UBAP2: variants seen among roughly 807,000 people sequenced by gnomAD.
The protein encoded by UBAP2 is ubiquitin associated protein 2, also known as ubiquitin-associated protein 2.
Under a neutral mutation model 139.6 loss-of-function variants are expected in UBAP2, and 75 were observed. That is an observed-to-expected ratio of 0.54 (90% CI 0.45 to 0.65). UBAP2 has a LOEUF of 0.65. Ranked by LOEUF, UBAP2 falls within the 30% of genes least tolerant of loss-of-function variation. The pLI is 0.00. For missense variants in UBAP2, 1,368 were observed against 1,369.6 expected, an observed-to-expected ratio of 1.00 and a Z score of 0.02; for synonymous variants, 526 against 526.2, an observed-to-expected ratio of 1.00 and a Z score of 0.01.
At chr9:33,984,029 G>A (rs796470124) in intron 6 of UBAP2, among the ~76,000 whole-genome samples, 1 of 151,812 alleles carries the variant, frequency 6.6e-6, no homozygotes, top group East Asian at 1.9e-4. Flanking sequence ...TCAGCGTCCC[G>A]AGTAGCTGGA....
intron 6 of UBAP2, among the ~76,000 whole-genome samples, chr9:33,974,381 C>T (rs1828138469): frequency 6.6e-6 from 1 of 152,114 alleles, no homozygotes; most frequent in South Asian, 2.1e-4. Flanking sequence ...GTGGTACATG[C>T]CTGTAGTCCC....
intron 6 of UBAP2, among the ~76,000 whole-genome samples, chr9:33,977,536 T>G (rs535515405): frequency 1.3e-5 from 2 of 152,226 alleles, no homozygotes; most frequent in East Asian, 3.9e-4. Context: ...CCAGAGTCTT[T>G]TAATCACAAA....
At chr9:33,990,635 C>A (rs1475191560) in intron 4 of UBAP2, among the ~76,000 whole-genome samples, 2 of 50,796 alleles carry the variant, frequency 3.9e-5, no homozygotes, top group Non-Finnish European at 3.8e-5. Context: ...TAGTACCCCC[C>A]AATTTTTTTT....
At chr9:34,021,554 T>A (rs1811343834) in intron 1 of UBAP2, among the ~76,000 whole-genome samples, 3 of 152,142 alleles carry the variant, frequency 2.0e-5, no homozygotes, top group Admixed American at 1.3e-4. Context: ...AATAAATGCA[T>A]ACGAACACAC....
chr9:33,995,701 G>A (rs1181488670), intron 4 of UBAP2: 4 of 146,198 alleles, frequency 2.7e-5, no homozygotes, highest in Non-Finnish European at 3.0e-5. Flanking sequence ...GGGCTGACAA[G>A]TGCCTGGTGT....
chr9:33,960,068 T>A (rs1473051815), intron 10 of UBAP2, among the ~76,000 whole-genome samples: 1 of 151,932 alleles, frequency 6.6e-6, no homozygotes, highest in Middle Eastern at 3.2e-3. Flanking sequence ...TAGCTGAGAC[T>A]ACAGATGCAC....
chr9:33,969,732 G>A (rs1214932176), intron 8 of UBAP2, among the ~76,000 whole-genome samples: 1 of 151,058 alleles, frequency 6.6e-6, no homozygotes, highest in Non-Finnish European at 1.5e-5. Context: ...CAGGCATAGT[G>A]CCGGACACCT....
chr9:33,983,841 A>G lies in UBAP2; in HGVS notation c.520+2919T>C, dbSNP rs1372260210. 2.6e-5 allele frequency among the ~76,000 whole-genome samples: 4 copies of G among 152,196 alleles called. No individual in the cohort carries two copies. The East Asian group carries it at 7.7e-4, about 29-fold the overall frequency. On this transcript the variant is annotated intron_variant, in intron 6 of 28. Coordinates refer to ENST00000379238, the MANE Select transcript of UBAP2 (RefSeq NM_001370062.2). Reference sequence around the variant, plus strand: ...GCAGTTTCAGCTTGTGGAAGACAGAATTATACTTGGTTTTTACCAATTTAC... The same window carrying G: ...GCAGTTTCAGCTTGTGGAAGACAGAGTTATACTTGGTTTTTACCAATTTAC...
rs182205342 is a variant in UBAP2 at position 33,966,983 on chromosome 9, T to C, written c.680-3192A>G. Among the ~76,000 whole-genome samples, 454 of 152,312 alleles carry C rather than the reference T, an allele frequency of 3.0e-3. 2 individuals carry two copies. The highest frequency in any genetic ancestry group is 6.8e-3 in the Middle Eastern group (2 of 294). On this transcript the variant is annotated intron_variant, in intron 8 of 28. Coordinates refer to ENST00000379238, the MANE Select transcript of UBAP2 (RefSeq NM_001370062.2). ...AAAGACTGAGTCAGTAAAAACTAAA[T>C]GTCACAACAGTGGGACTAAAATATA...
At chr9:34,002,830 A>G (rs978077442) in intron 2 of UBAP2, among the ~76,000 whole-genome samples, 1 of 151,362 alleles carries the variant, frequency 6.6e-6, no homozygotes, top group Non-Finnish European at 1.5e-5. Flanking sequence ...CTGGGAATAC[A>G]GGCGCACAAC....
chr9:33,954,301 C>CACACACAT (rs1554682975), intron 11 of UBAP2, among the ~76,000 whole-genome samples: 1,749 of 146,664 alleles, frequency 0.012, 21 homozygotes, highest in Middle Eastern at 0.024. Context: ...CACACACACA[C>CACACACAT]GCCCATATAA....
intron 1 of UBAP2, among the ~76,000 whole-genome samples, chr9:34,036,702 A>G (rs912373385): frequency 2.0e-5 from 3 of 152,152 alleles, no homozygotes; most frequent in African/African-American, 7.2e-5. Flanking sequence ...ATAGAGTAGC[A>G]TATACCATTT....
chr9:33,979,281 C>T (rs1381028136), intron 6 of UBAP2, among the ~76,000 whole-genome samples: 7 of 152,158 alleles, frequency 4.6e-5, no homozygotes, highest in Non-Finnish European at 2.9e-5. Flanking sequence ...GACTCAATCT[C>T]ACCAAAAGAC....
At chr9:33,943,684 G>C in intron 14 of UBAP2, 95 bp from the exon 15 acceptor site, 9 of 1,101,010 alleles carry the variant, frequency 8.2e-6, no homozygotes, top group Non-Finnish European at 1.2e-5. Context: ...AGGTTCCCAG[G>C]CAATACTGGC....
chr9:34,006,578 A>C (rs183158797), intron 2 of UBAP2, among the ~76,000 whole-genome samples: 3 of 152,184 alleles, frequency 2.0e-5, no homozygotes, highest in Admixed American at 2.0e-4. Context: ...CAAGAGGCTG[A>C]GGTAGGAGGA....
At chr9:33,925,531 G>A (rs958541785) in intron 22 of UBAP2, among the ~76,000 whole-genome samples, 3 of 152,156 alleles carry the variant, frequency 2.0e-5, no homozygotes, top group African/African-American at 7.2e-5. Flanking sequence ...TGGAGACCAC[G>A]GAGAGCCCCT....
chr9:33,963,905 T>C (rs1827261394), intron 8 of UBAP2, 114 bp from the exon 9 acceptor site: 3 of 724,688 alleles, frequency 4.1e-6, no homozygotes, highest in East Asian at 2.6e-5. Context: ...TGCCCAAGGA[T>C]AGTGAAATGT....
chr9:33,922,698 G>A lies in UBAP2; in HGVS notation c.3253C>T (p.Gln1085Ter), dbSNP rs1033333799. The A allele has an allele frequency of 2.6e-6, 4 of 1,550,824 alleles. No homozygotes were observed. The highest frequency in any genetic ancestry group is 2.7e-5 in the African/African-American group (2 of 73,066). Residue 1085 changes from glutamine (Q) to a stop codon, truncating the protein, a stop_gained, in exon 28 of 29, where the codon CAG becomes TAG. Transcript: ENST00000379238. LOFTEE classifies it high-confidence loss of function. ...ATCACTGTACTCACCTGTGCATCCT[G>A]CGGAAGGTGGTGGTGCAGCAGCTGT... ...HSQLLHHHLPQDAQSGSGQRS... is the reference protein window; with the variant it reads ...HSQLLHHHLP
At chr9:33,938,552 T>C (rs1411532584) in intron 16 of UBAP2, among the ~76,000 whole-genome samples, 1 of 152,162 alleles carries the variant, frequency 6.6e-6, no homozygotes, top group East Asian at 1.9e-4. Flanking sequence ...ATCCCAGCAC[T>C]TTGGGAGGCC....
Sources: gnomAD v4.1 joint callset for allele counts (sites outside exome capture counted in the v4.1 genomes callset) on GRCh38, gnomAD v4.1.1 for gene constraint, MANE v1.5 for transcripts, NCBI Gene and HGNC (gene_info 2026-07-23, HGNC 2026-07-21) for gene names.